The following PLCL1 variants were observed in gnomAD, a reference collection of about 807,000 sequenced individuals.
PLCL1 encodes the protein inactive phospholipase C-like protein 1.
In PLCL1, 41 loss-of-function variants were observed where a neutral mutation model predicts 84.4. The ratio of observed to expected loss-of-function variants is 0.49; its 90% confidence interval spans 0.38 to 0.63. The LOEUF (loss-of-function observed/expected upper bound fraction) is 0.63, where lower values mean the gene tolerates loss of function less well. Ranked by LOEUF, PLCL1 falls within the 30% of genes least tolerant of loss-of-function variation. The pLI is 0.00. For missense variants in PLCL1, 1,206 were observed against 1,367.8 expected, an observed-to-expected ratio of 0.88 and a Z score of 1.87; for synonymous variants, 490 against 488.3, an observed-to-expected ratio of 1.00 and a Z score of -0.05.
chr2:197,959,285 A>T (rs1163095993), intron 1 of PLCL1, among the ~76,000 whole-genome samples: 5 of 152,038 alleles, frequency 3.3e-5, no homozygotes, highest in Admixed American at 3.3e-4. Flanking sequence ...CTGATGGTGC[A>T]GTTGATGTCT....
At chr2:197,960,302 T>G (rs1470962845) in intron 1 of PLCL1, among the ~76,000 whole-genome samples, 2 of 152,060 alleles carry the variant, frequency 1.3e-5, no homozygotes, top group African/African-American at 4.8e-5. Context: ...TGGAGTTGAG[T>G]TAGTTCATGA....
Position 198,024,775 on chromosome 2 carries a change from AC to A in PLCL1, c.241-58982del, listed in dbSNP as rs1227145461. ...CGAAATCTATCTCAAAAAAAAAAAA[AC>A]AATTACTACGAGTGGTACCTTTTTT... On this transcript the variant is annotated intron_variant, in intron 1 of 5. Transcript: ENST00000428675. 3.1e-3 allele frequency among the ~76,000 whole-genome samples: 474 copies of A among 152,032 alleles called. 3 individuals carry two copies. Among genetic ancestry groups the A allele is most frequent in the African/African-American group, 0.011 (449 of 41,448 alleles).
In PLCL1 at chr2:198,146,818, T is replaced by G. The variant is rs1223496622; in HGVS notation, c.3144T>G (p.Ala1048=). 1 of 1,613,312 alleles carries G rather than the reference T, an allele frequency of 6.2e-7. No homozygotes were observed. The highest frequency in any genetic ancestry group is 8.5e-7 in the Non-Finnish European group (1 of 1,179,622). Reference sequence around the variant, plus strand: ...TGTTGAAGAATGCCAAGAATGAAGCTATAGAAAACATGAAGCAGATCCAGC... The same window carrying G: ...TGTTGAAGAATGCCAAGAATGAAGCGATAGAAAACATGAAGCAGATCCAGC... ...GDLLKNAKNE[A]IENMKQIQLA... Residue 1048 remains alanine (A), a synonymous_variant, in exon 6 of 6, where the codon GCT becomes GCG. Transcript: ENST00000428675.
chr2:197,833,990 A>G (rs1691127960), intron 1 of PLCL1, among the ~76,000 whole-genome samples: 1 of 152,208 alleles, frequency 6.6e-6, no homozygotes, highest in Non-Finnish European at 1.5e-5. Context: ...GGAACAGAAC[A>G]GAGGCCTCAG....
chr2:197,940,710 A>G (rs1252215818), intron 1 of PLCL1, among the ~76,000 whole-genome samples: 1 of 152,212 alleles, frequency 6.6e-6, no homozygotes, highest in African/African-American at 2.4e-5. Flanking sequence ...AAACAGTATT[A>G]TTATTTCAAT....
chr2:197,925,284 T>A (rs181365914), intron 1 of PLCL1, among the ~76,000 whole-genome samples: 57 of 152,278 alleles, frequency 3.7e-4, no homozygotes, highest in Admixed American at 1.8e-3. Flanking sequence ...TAGAAGTATA[T>A]TGGAGAAGTT....
At chr2:197,945,080 C>T (rs1206478386) in intron 1 of PLCL1, among the ~76,000 whole-genome samples, 2 of 152,166 alleles carry the variant, frequency 1.3e-5, no homozygotes, top group African/African-American at 4.8e-5. Context: ...GTTTTAATAT[C>T]TTATCTAAAT....
intron 5 of PLCL1, among the ~76,000 whole-genome samples, chr2:198,119,410 G>T (rs1693819897): frequency 6.6e-6 from 1 of 151,926 alleles, no homozygotes. Flanking sequence ...CTGTGATGGG[G>T]GCTTTGCTTA....
At chr2:198,004,896 T>G (rs1430443711) in intron 1 of PLCL1, among the ~76,000 whole-genome samples, 1 of 152,202 alleles carries the variant, frequency 6.6e-6, no homozygotes, top group Non-Finnish European at 1.5e-5. Flanking sequence ...GTTTTCAATT[T>G]TAGGTTCTTA....
At chr2:197,914,478 C>T (rs1301947471) in intron 1 of PLCL1, among the ~76,000 whole-genome samples, 3 of 151,944 alleles carry the variant, frequency 2.0e-5, no homozygotes, top group Non-Finnish European at 4.4e-5. Context: ...TACAGGTGCA[C>T]GCCACCACAC....
intron 1 of PLCL1, among the ~76,000 whole-genome samples, chr2:197,897,378 G>T (rs2105733051): frequency 6.6e-6 from 1 of 152,114 alleles, no homozygotes; most frequent in East Asian, 1.9e-4. Flanking sequence ...AGACAATGGA[G>T]GCAATATAGA....
chr2:198,085,966 G>C lies in PLCL1; in HGVS notation c.2449G>C (p.Glu817Gln). The C allele has an allele frequency of 6.2e-7, 1 of 1,614,092 alleles. No homozygotes were observed. Among genetic ancestry groups the C allele is most frequent in the East Asian group, 2.2e-5 (1 of 44,882 alleles). Residue 817 changes from glutamate (E) to glutamine (Q), a missense_variant, in exon 2 of 6, where the codon GAA becomes CAA. By Grantham distance (29) the Glu-to-Gln change is conservative. Transcript: ENST00000428675. The surrounding 1 kb of genome is among the most constrained non-coding windows in gnomAD (Gnocchi z 5.3). ...TATAGGGCAATATACGATACCATTT[G>C]AATGTTTGCAGCCTGGATATCGGCA... is the stretch of plus-strand genomic sequence containing the variant. ...EFIGQYTIPF[E>Q]CLQPGYRHVP...
Position 198,083,754 on chromosome 2 carries a change from A to G in PLCL1, c.241-4A>G, listed in dbSNP as rs1319591334. On this transcript the variant is annotated splice_region_variant and splice_polypyrimidine_tract_variant and intron_variant, in intron 1 of 5. Transcript: ENST00000428675. ...TGATTCATTTTTTTCAAATTATTTT[A>G]CAGGATCCTTCAAACCAAAAATGTG... 1.9e-6 allele frequency: 3 copies of G among 1,557,142 alleles called. No individual in the cohort carries two copies. The highest frequency in any genetic ancestry group is 8.7e-7 in the Non-Finnish European group (1 of 1,152,570).
At chr2:198,020,562 G>GAA (rs973475435) in intron 1 of PLCL1, among the ~76,000 whole-genome samples, 3 of 119,976 alleles carry the variant, frequency 2.5e-5, no homozygotes, top group African/African-American at 9.2e-5. Flanking sequence ...CAAATGGAAA[G>GAA]AAAAAAAAAA....
chr2:197,816,461 A>G (rs1404301148), intron 1 of PLCL1, among the ~76,000 whole-genome samples: 3 of 152,126 alleles, frequency 2.0e-5, no homozygotes, highest in Non-Finnish European at 4.4e-5. Context: ...ATATTTGCTT[A>G]ATTGTGATGG....
chr2:197,805,436 A>G lies in PLCL1; in HGVS notation c.240+97A>G. On this transcript the variant is annotated intron_variant, in intron 1 of 5. Transcript: ENST00000428675. The surrounding 1 kb of genome is among the most constrained non-coding windows in gnomAD (Gnocchi z 4.0). ...GCGGTGTCCGGAGGCATCCGGGCTC[A>G]GCATTGTTTTCTCCCACCTCCTTCA... The G allele has an allele frequency of 2.6e-6, 3 of 1,145,248 alleles. No homozygotes were observed. The highest frequency in any genetic ancestry group is 3.6e-5 in the South Asian group (1 of 28,138). 70.9% of individuals were successfully genotyped at this position (1,145,248 alleles called of 1,614,324 possible). A position where few individuals can be genotyped will look rare whatever the true frequency, so the allele number is the denominator to read the frequency against.
chr2:197,959,203 T>C (rs894724737), intron 1 of PLCL1, among the ~76,000 whole-genome samples: 1 of 152,048 alleles, frequency 6.6e-6, no homozygotes, highest in African/African-American at 2.4e-5. Context: ...TTATTAAGAA[T>C]TGGCTCATGA....
rs369019024 is a variant in PLCL1, at chr2:197,990,219, A to G, written c.241-93539A>G. Among the ~76,000 whole-genome samples the G allele has an allele frequency of 2.4e-4, 36 of 152,270 alleles. 1 individual carries two copies. The highest frequency in any genetic ancestry group is 7.5e-4 in the African/African-American group (31 of 41,544). On this transcript the variant is annotated intron_variant, in intron 1 of 5. Transcript: ENST00000428675. The stretch of plus-strand genomic sequence containing the variant: ...AGAGATGTAGCTGACATGATGGGTA[A>G]AAAAAAGGAGGCAAATAAATGGAAT...
intron 1 of PLCL1, among the ~76,000 whole-genome samples, chr2:197,921,331 A>G (rs546973643): frequency 2.0e-5 from 3 of 152,312 alleles, no homozygotes; most frequent in Admixed American, 2.0e-4. Context: ...GTTACTTATA[A>G]TGGCATGGAA....
Sources: allele counts gnomAD v4.1 joint callset (sites outside exome capture counted in the v4.1 genomes callset), GRCh38; gene constraint gnomAD v4.1.1; non-coding constraint Gnocchi (gnomAD v3.1); transcripts MANE v1.5; gene names NCBI Gene and HGNC (gene_info 2026-07-23, HGNC 2026-07-21).